FCRL5: variants seen among roughly 807,000 people sequenced by gnomAD.
The protein encoded by FCRL5 is Fc receptor-like protein 5.
FCRL5 carries 79 observed loss-of-function variants against 92.1 expected under a neutral mutation model. That is an observed-to-expected ratio of 0.86 (90% CI 0.72 to 1.03). The LOEUF (loss-of-function observed/expected upper bound fraction) is 1.03, where lower values mean the gene tolerates loss of function less well. Among genes scored for constraint, FCRL5 ranks in the 50% least tolerant of loss-of-function variants. The pLI, the probability that FCRL5 is intolerant of heterozygous loss-of-function variation, is 0.00. For missense variants in FCRL5, 1,160 were observed against 1,181.1 expected, an observed-to-expected ratio of 0.98 and a Z score of 0.26; for synonymous variants, 466 against 469.3, an observed-to-expected ratio of 0.99 and a Z score of 0.09.
At chr1:157,547,281 C>T in intron 2 of FCRL5, 84 bp from the exon 3 acceptor site, 2 of 1,559,692 alleles carry the variant, frequency 1.3e-6, no homozygotes, top group South Asian at 1.1e-5. Flanking sequence ...GCCTGAAGGA[C>T]CTGGGTTTGG....
chr1:157,537,313 G>T (rs895701653), intron 7 of FCRL5, among the ~76,000 whole-genome samples: 1 of 152,188 alleles, frequency 6.6e-6, no homozygotes, highest in Non-Finnish European at 1.5e-5. Flanking sequence ...CCGCTTTGGG[G>T]ATGGCTGTCT....
At chr1:157,547,306 G>A (rs751565532) in intron 2 of FCRL5, 109 bp from the exon 3 acceptor site, 57 of 1,411,794 alleles carry the variant, frequency 4.0e-5, no homozygotes, top group Non-Finnish European at 5.3e-5. Flanking sequence ...TCTGAAAGAG[G>A]TCCTCTGGGA....
intron 2 of FCRL5, chr1:157,547,513 T>C: frequency 2.1e-6 from 1 of 479,314 alleles, no homozygotes; most frequent in East Asian, 4.4e-5. Flanking sequence ...TGCCATTTCA[T>C]CATGTTCATA....
chr1:157,520,150 T>C (rs530911574), intron 12 of FCRL5, among the ~76,000 whole-genome samples: 228 of 151,700 alleles, frequency 1.5e-3, no homozygotes, highest in African/African-American at 5.5e-3. Flanking sequence ...TTCCCATTCG[T>C]TGGGGGGGTC....
intron 2 of FCRL5, among the ~76,000 whole-genome samples, chr1:157,549,216 A>G (rs1298341613): frequency 2.8e-5 from 4 of 144,814 alleles, no homozygotes; most frequent in African/African-American, 1.0e-4. Flanking sequence ...GTTCTCACTC[A>G]TAGGTGGGAA....
At chr1:157,540,926 C>T (rs542303461) in intron 6 of FCRL5, among the ~76,000 whole-genome samples, 1 of 152,112 alleles carries the variant, frequency 6.6e-6, no homozygotes, top group African/African-American at 2.4e-5. Flanking sequence ...ATTATTGTTG[C>T]CCCTCTTTCA....
At position 157,520,498 on chromosome 1, in the gene FCRL5, G is replaced by A. The variant is rs557059397; in HGVS notation, c.2565C>T (p.Gly855=). 1 of 1,575,200 alleles carries A rather than the reference G, an allele frequency of 6.3e-7. No homozygotes were observed. The highest frequency in any genetic ancestry group is 1.4e-5 in the African/African-American group (1 of 73,972). The change falls in exon 12 of 17, where the codon GGC becomes GGT. Residue 855 remains glycine (G), a synonymous_variant. Transcript: ENST00000361835. ...CAGCAAGGCCTGCTATGCTGAGCAG[G>A]CCCCCGGCGACTCCTGTGGCAAAAG... ...SGPFATGVAG[G]LLSIAGLAAG...
chr1:157,549,537 G>A, intron 2 of FCRL5, 23 bp downstream of exon 2: 2 of 1,608,068 alleles, frequency 1.2e-6, no homozygotes, highest in East Asian at 2.2e-5. Flanking sequence ...AGACGCTGAA[G>A]AGCCAAAGAC....
chr1:157,524,189 C>T (rs1288517410), intron 10 of FCRL5, 90 bp downstream of exon 10: 3 of 1,434,016 alleles, frequency 2.1e-6, no homozygotes, highest in African/African-American at 2.8e-5. Flanking sequence ...GCAAACAGCC[C>T]TGAGGAGCTC....
intron 1 of FCRL5, among the ~76,000 whole-genome samples, chr1:157,551,291 T>C (rs1345328824): frequency 6.6e-6 from 1 of 152,194 alleles, no homozygotes; most frequent in Non-Finnish European, 1.5e-5. Context: ...ACCTGGCCAT[T>C]ACCCACATTG....
Position 157,521,034 on chromosome 1 carries a change from A to G in FCRL5, c.2498T>C (p.Val833Ala). ...AAACTTACCTGTGATATAAAGTGTC[A>G]CTGTCTCACTGCGCTGGGCCCCGAG... ...NGLGAQRSET[V>A]TLYITGLTAN... Residue 833 changes from valine to alanine, a missense_variant, in exon 11 of 17, where the codon GTG becomes GCG. Val to Ala is a moderately conservative substitution (Grantham distance 64, BLOSUM62 0). Coordinates refer to ENST00000361835, the MANE Select transcript of FCRL5 (RefSeq NM_031281.3). 13 of 1,609,188 alleles carry G rather than the reference A, an allele frequency of 8.1e-6. No individual in the cohort carries two copies. Among genetic ancestry groups the G allele is most frequent in the Non-Finnish European group, 1.1e-5 (13 of 1,178,230 alleles).
rs1649835826 is a variant in FCRL5 at position 157,514,448 on chromosome 1, G to T, written c.*1227C>A. 1 of 152,218 alleles carries T rather than the reference G, an allele frequency of 6.6e-6. No individual in the cohort carries two copies. Among genetic ancestry groups the T allele is most frequent in the South Asian group, 2.1e-4 (1 of 4,830 alleles). 9.4% of individuals were successfully genotyped at this position (152,218 alleles called of 1,614,324 possible). A position where few individuals can be genotyped will look rare whatever the true frequency, so the allele number is the denominator to read the frequency against. On this transcript the variant is annotated 3_prime_UTR_variant, in exon 17 of 17. Transcript: ENST00000361835. The stretch of plus-strand genomic sequence containing the variant: ...ATGTCACAGAGAAGAAGCTCTCTCA[G>T]CAACAGCAGCTGGTGGTGCTGTGGC...
intron 5 of FCRL5, 54 bp downstream of exon 5, chr1:157,544,208 G>T: frequency 3.8e-6 from 6 of 1,593,042 alleles, no homozygotes; most frequent in Non-Finnish European, 5.2e-6. Context: ...ATGCAGCCCT[G>T]TCCCACTTTT....
At chr1:157,518,283 A>G (rs112981252) in intron 15 of FCRL5, 146 bp downstream of exon 15, 10 of 659,408 alleles carry the variant, frequency 1.5e-5, no homozygotes, top group African/African-American at 7.2e-5. Context: ...CACCTGAAGC[A>G]GCATAGGCAC....
At position 157,515,482 on chromosome 1, in the gene FCRL5, G is replaced by T. The variant is rs75090424; in HGVS notation, c.*193C>A. 4,058 of 1,231,834 alleles carry T rather than the reference G, an allele frequency of 3.3e-3. 97 individuals carry two copies. The African/African-American group carries it at 0.055, about 17-fold the overall frequency. 76.3% of individuals were successfully genotyped at this position (1,231,834 alleles called of 1,614,324 possible). ...TGGATTAAAAAACCTGCCAGTCAGG[G>T]CTTTAACTGGGAAACAGGTGACAGT... On this transcript the variant is annotated 3_prime_UTR_variant, in exon 17 of 17. Coordinates refer to ENST00000361835, the MANE Select transcript of FCRL5 (RefSeq NM_031281.3).
At chr1:157,545,793 G>T (rs1259250614) in intron 3 of FCRL5, among the ~76,000 whole-genome samples, 1 of 152,146 alleles carries the variant, frequency 6.6e-6, no homozygotes, top group East Asian at 1.9e-4. Flanking sequence ...CTTCCAAAGT[G>T]CTGGGATTAC....
chr1:157,551,660 AT>A (rs1289011793), intron 1 of FCRL5, among the ~76,000 whole-genome samples: 1 of 152,222 alleles, frequency 6.6e-6, no homozygotes, highest in African/African-American at 2.4e-5. Flanking sequence ...TACTAAACAC[AT>A]TTGCTGAACA....
chr1:157,544,350 A>G lies in FCRL5; in HGVS notation c.756T>C (p.Ser252=). The G allele has an allele frequency of 6.2e-7, 1 of 1,614,030 alleles. No homozygotes were observed. Among genetic ancestry groups the G allele is most frequent in the Admixed American group, 1.7e-5 (1 of 60,020 alleles). Residue 252 remains serine, a synonymous_variant, in exon 5 of 17, where the codon AGT becomes AGC. Transcript: ENST00000361835. ...TACACCAGTAGAACCCTGAATCTTTACTCCACATGGCAGTAATCTGGAAAT... is the reference window on the plus strand; with the variant it reads ...TACACCAGTAGAACCCTGAATCTTTGCTCCACATGGCAGTAATCTGGAAAT... ...SPNFQITAMW[S]KDSGFYWCKA...
In FCRL5 at chr1:157,552,313, G is replaced by A. The variant is rs765813780; in HGVS notation, c.31+19C>T. On this transcript the variant is annotated intron_variant, in intron 1 of 16. Transcript: ENST00000361835. ...TGTCCCGATCCCACCCAGGGCCCAT[G>A]GTGAGCCCTTTTACTCACCCAGGAC... 1 of 1,612,948 alleles carries A rather than the reference G, an allele frequency of 6.2e-7. No individual in the cohort carries two copies. Among genetic ancestry groups the A allele is most frequent in the Admixed American group, 1.7e-5 (1 of 59,978 alleles).
Sources: allele counts gnomAD v4.1 joint callset (sites outside exome capture counted in the v4.1 genomes callset), GRCh38; gene constraint gnomAD v4.1.1; transcripts MANE v1.5; gene names NCBI Gene and HGNC (gene_info 2026-07-23, HGNC 2026-07-21).